IQSEC3: variants seen among roughly 807,000 people sequenced by gnomAD.
IQSEC3 encodes IQ motif and Sec7 domain ArfGEF 3, also known as IQ motif and SEC7 domain-containing protein 3.
A neutral mutation model predicts 105.4 loss-of-function variants in IQSEC3; 50 were observed. The observed-to-expected ratio is 0.47, with a 90% CI of 0.38 to 0.60. The LOEUF (loss-of-function observed/expected upper bound fraction) is 0.60, where lower values mean the gene tolerates loss of function less well. IQSEC3 is among the 20% of genes least tolerant of loss of function. IQSEC3 has a pLI of 0.00. For synonymous variants in IQSEC3, 708 were observed against 746.0 expected (o/e 0.95, Z 0.83); for missense variants, 1,415 against 1,630.0 (o/e 0.87, Z 2.27).
In IQSEC3 at chr12:162,049, T is replaced by C. The variant is rs1866916467; in HGVS notation, c.2567T>C (p.Ile856Thr). The C allele has an allele frequency of 6.2e-7, 1 of 1,613,728 alleles. No individual in the cohort carries two copies. Among genetic ancestry groups the C allele is most frequent in the Admixed American group, 1.7e-5 (1 of 60,002 alleles). Residue 856 changes from isoleucine to threonine, a missense_variant, in exon 8 of 14, where the codon ATT (isoleucine) becomes ACT (threonine). By Grantham distance (89) the Ile-to-Thr change is moderately conservative. Coordinates refer to ENST00000538872, the MANE Select transcript of IQSEC3 (RefSeq NM_001170738.2). Reference protein sequence around the residue: ...VTYVTKVEKSIVGMKTVLSVP... With the variant: ...VTYVTKVEKSTVGMKTVLSVP... ...TACGTCACCAAGGTGGAGAAGTCCATTGTGGGCATGAAGACAGTGAGTGTC... is the reference window on the plus strand; with the variant it reads ...TACGTCACCAAGGTGGAGAAGTCCACTGTGGGCATGAAGACAGTGAGTGTC...
At chr12:92,930 T>C (rs1555073850) in intron 1 of IQSEC3, among the ~76,000 whole-genome samples, 1 of 152,236 alleles carries the variant, frequency 6.6e-6, no homozygotes, top group Non-Finnish European at 1.5e-5. Flanking sequence ...AGAAGCATTA[T>C]CTGAGGAAGA....
At chr12:98,444 A>G (rs1555075251) in intron 1 of IQSEC3, among the ~76,000 whole-genome samples, 1 of 152,200 alleles carries the variant, frequency 6.6e-6, no homozygotes, top group Non-Finnish European at 1.5e-5. Flanking sequence ...CATGATTCTA[A>G]TATGCAGCTA....
At chr12:112,322 G>A (rs371779521) in intron 2 of IQSEC3, among the ~76,000 whole-genome samples, 2 of 151,994 alleles carry the variant, frequency 1.3e-5, no homozygotes, top group Non-Finnish European at 2.9e-5. Context: ...GTGGGGAAGT[G>A]GGGGAGGCCG....
intron 1 of IQSEC3, among the ~76,000 whole-genome samples, chr12:97,882 C>T (rs930163419): frequency 7.2e-5 from 11 of 152,264 alleles, no homozygotes; most frequent in African/African-American, 2.7e-4. Context: ...TGTCTACACT[C>T]TCAGACCCTG....
chr12:77,641 C>T (rs1329763841), intron 1 of IQSEC3: 1 of 376,006 alleles, frequency 2.7e-6, no homozygotes, highest in African/African-American at 2.3e-5. Flanking sequence ...GGCCCTGGGG[C>T]AGAACGAGGT....
Position 87,950 on chromosome 12 carries a change from C to A in IQSEC3, c.555-11196C>A, listed in dbSNP as rs1464181516. On this transcript the variant is annotated intron_variant, in intron 1 of 13. Transcript: ENST00000538872. ...TGTATACGTGCGGTTAGGTAGGATT[C>A]CTCAGGAAGGATTCCCGCAGGCTTC... Among the ~76,000 whole-genome samples the A allele has an allele frequency of 5.9e-5, 9 of 152,144 alleles. 1 individual carries two copies. Among genetic ancestry groups the A allele is most frequent in the Admixed American group, 5.9e-4 (9 of 15,284 alleles).
rs918549656 is a variant in IQSEC3, at chr12:165,441, A to G, written c.2717A>G (p.Lys906Arg). 4 of 1,613,882 alleles carry G rather than the reference A, an allele frequency of 2.5e-6. No individual in the cohort carries two copies. The highest frequency in any genetic ancestry group is 2.7e-5 in the African/African-American group (2 of 74,914). ...TTTCCCTCTCCTGAACAGATTCTCA[A>G]ACTTTGCCCGAAGAAGAAGAGCTCC... is the stretch of plus-strand genomic sequence containing the variant. ...FLFNDLLVIL[K>R]LCPKKKSSST... Residue 906 changes from lysine to arginine, a missense_variant, in exon 10 of 14, where the codon AAA becomes AGA. This residue lies in a region of IQSEC3 where 419 missense variants were observed against 436.2 expected (regional missense o/e 0.96). Transcript: ENST00000538872.
At chr12:119,224 A>G (rs1410301284) in intron 2 of IQSEC3, among the ~76,000 whole-genome samples, 8 of 152,162 alleles carry the variant, frequency 5.3e-5, no homozygotes, top group African/African-American at 1.9e-4. Flanking sequence ...GAAGATGACC[A>G]GGCTCTGAAA....
At chr12:113,106 C>T (rs1246219126) in intron 2 of IQSEC3, among the ~76,000 whole-genome samples, 1 of 152,178 alleles carries the variant, frequency 6.6e-6, no homozygotes, top group Non-Finnish European at 1.5e-5. Flanking sequence ...CCCCCACTTC[C>T]TTCCCTCCAT....
chr12:156,370 C>A (rs562310459), intron 5 of IQSEC3, among the ~76,000 whole-genome samples: 1 of 152,192 alleles, frequency 6.6e-6, no homozygotes, highest in Non-Finnish European at 1.5e-5. Context: ...TCTGACCCTG[C>A]GTGTCACGCT....
chr12:141,533 A>G, intron 5 of IQSEC3: 2 of 475,382 alleles, frequency 4.2e-6, no homozygotes, highest in Non-Finnish European at 7.5e-6. Context: ...GGATACAGAA[A>G]TGGTCCAAAG....
At chr12:159,048 C>T (rs895042927) in intron 7 of IQSEC3, among the ~76,000 whole-genome samples, 1 of 152,208 alleles carries the variant, frequency 6.6e-6, no homozygotes, top group African/African-American at 2.4e-5. Context: ...CCTTCCCTGA[C>T]CCATCCCACT....
chr12:125,806 A>G lies in IQSEC3; in HGVS notation c.797A>G (p.His266Arg). ...GCCTCCCCAAGGGCTGGCCCCCAGC[A>G]CAAGGCCTCCCCCGGCCGGCAGCAG... ...GAASPRAGPQ[H>R]KASPGRQQPA... The change falls in exon 3 of 14, where the codon CAC becomes CGC. Residue 266 changes from histidine (H) to arginine (R), a missense_variant. This residue lies in a region of IQSEC3 where 720 missense variants were observed against 633.0 expected (regional missense o/e 1.14). Coordinates refer to ENST00000538872, the MANE Select transcript of IQSEC3 (RefSeq NM_001170738.2). The G allele has an allele frequency of 6.6e-7, 1 of 1,526,596 alleles. No homozygotes were observed. Among genetic ancestry groups the G allele is most frequent in the Non-Finnish European group, 8.7e-7 (1 of 1,143,174 alleles). 94.6% of individuals were successfully genotyped at this position (1,526,596 alleles called of 1,614,324 possible).
At chr12:81,381 A>C (rs1181172846) in intron 1 of IQSEC3, among the ~76,000 whole-genome samples, 2 of 152,216 alleles carry the variant, frequency 1.3e-5, no homozygotes, top group Admixed American at 1.3e-4. Flanking sequence ...AATAGACTGA[A>C]GAGGGAAGAA....
rs1013033920 is a variant in IQSEC3, at chr12:175,308, C to T, written c.*275C>T. The T allele has an allele frequency of 4.3e-5, 19 of 441,050 alleles. No individual in the cohort carries two copies. Among genetic ancestry groups the T allele is most frequent in the Admixed American group, 1.2e-4 (3 of 25,616 alleles). The allele number at this position is 441,050 out of a possible 1,614,324, so 27.3% of individuals were successfully genotyped here. A position where few individuals can be genotyped will look rare whatever the true frequency, so the allele number is the denominator to read the frequency against. On this transcript the variant is annotated 3_prime_UTR_variant, in exon 14 of 14. Coordinates refer to ENST00000538872, the MANE Select transcript of IQSEC3 (RefSeq NM_001170738.2). Reference sequence around the variant, plus strand: ...CGAGGCCTCCTCTTCCCCTGGCCACCACTTTCCCCCATTGGACCATGGACT... The same window carrying T: ...CGAGGCCTCCTCTTCCCCTGGCCACTACTTTCCCCCATTGGACCATGGACT...
At chr12:87,786 A>C (rs782584711) in intron 1 of IQSEC3, among the ~76,000 whole-genome samples, 1 of 152,236 alleles carries the variant, frequency 6.6e-6, no homozygotes, top group Non-Finnish European at 1.5e-5. Context: ...GAAGGCAAAC[A>C]GCTCTTCCTT....
intron 13 of IQSEC3, among the ~76,000 whole-genome samples, chr12:174,347 G>A (rs1221526124): frequency 2.6e-5 from 4 of 152,286 alleles, no homozygotes; most frequent in South Asian, 4.2e-4. Context: ...TCTCACAGAT[G>A]AAGAGACTGA....
chr12:119,432 C>T (rs1010163809), intron 2 of IQSEC3, among the ~76,000 whole-genome samples: 12 of 152,140 alleles, frequency 7.9e-5, no homozygotes, highest in African/African-American at 2.9e-4. Flanking sequence ...AGGAAGAGAG[C>T]CCTGAGCCCT....
chr12:154,074 C>A (rs1833072436), intron 5 of IQSEC3, among the ~76,000 whole-genome samples: 1 of 152,152 alleles, frequency 6.6e-6, no homozygotes, highest in Admixed American at 6.5e-5. Flanking sequence ...AAGTGTCCAC[C>A]CCTGCAGCCC....
Sources: gnomAD v4.1 joint callset for allele counts (sites outside exome capture counted in the v4.1 genomes callset) on GRCh38, gnomAD v4.1.1 for gene constraint, gnomAD v4.1.1 regional missense constraint, MANE v1.5 for transcripts, NCBI Gene and HGNC (gene_info 2026-07-23, HGNC 2026-07-21) for gene names.